Variants in EEF2K observed in about 807,000 individuals in gnomAD.
EEF2K encodes eukaryotic elongation factor 2 kinase, also known as alternative protein EEF2K.
EEF2K carries 70 observed loss-of-function variants against 93.8 expected under a neutral mutation model. That is an observed-to-expected ratio of 0.75 (90% confidence interval 0.62 to 0.91). The LOEUF (loss-of-function observed/expected upper bound fraction) is 0.91, where lower values mean the gene tolerates loss of function less well. Ranked by LOEUF, EEF2K falls within the 40% of genes least tolerant of loss-of-function variation. The pLI is 0.00. For missense variants in EEF2K, 935 were observed against 972.9 expected, an observed-to-expected ratio of 0.96 and a Z score of 0.52; for synonymous variants, 376 against 380.8, an observed-to-expected ratio of 0.99 and a Z score of 0.15.
intron 1 of EEF2K, among the ~76,000 whole-genome samples, chr16:22,209,928 G>A (rs1206714294): frequency 2.6e-5 from 4 of 152,296 alleles, no homozygotes; most frequent in Middle Eastern, 3.4e-3. Context: ...AAGTAGCTGG[G>A]ACTACAGACA....
At chr16:22,259,145 G>A (rs2047438216) in intron 10 of EEF2K, among the ~76,000 whole-genome samples, 2 of 152,298 alleles carry the variant, frequency 1.3e-5, no homozygotes, top group South Asian at 2.1e-4. Context: ...AGCTATGAAT[G>A]TGATATTAAT....
chr16:22,258,705 G>C lies in EEF2K; in HGVS notation c.1231+10G>C, dbSNP rs115217797. ...AAGCTAGACCACCTCCGTGAGTGAC[G>C]GTTCGGTCCCTAGTCACTGTGATTG... On this transcript the variant is annotated intron_variant, in intron 10 of 17. Transcript: ENST00000263026. 1 of 1,613,852 alleles carries C rather than the reference G, an allele frequency of 6.2e-7. No individual in the cohort carries two copies. Among genetic ancestry groups the C allele is most frequent in the Non-Finnish European group, 8.5e-7 (1 of 1,180,024 alleles).
intron 12 of EEF2K, 139 bp downstream of exon 12, chr16:22,263,326 A>G: frequency 1.4e-6 from 1 of 732,866 alleles, no homozygotes; most frequent in Non-Finnish European, 2.0e-6. Context: ...AGAGTATTTC[A>G]GGCCGGTCAT....
chr16:22,228,147 G>T (rs2047082379), intron 2 of EEF2K, among the ~76,000 whole-genome samples: 2 of 148,578 alleles, frequency 1.3e-5, no homozygotes, highest in Non-Finnish European at 3.0e-5. Flanking sequence ...CATTACTTTT[G>T]AAACAATACC....
chr16:22,235,108 G>C (rs1020753836), intron 2 of EEF2K, among the ~76,000 whole-genome samples: 1 of 151,584 alleles, frequency 6.6e-6, no homozygotes, highest in Non-Finnish European at 1.5e-5. Context: ...CAGTTACTGG[G>C]GAGGCTGAGG....
intron 6 of EEF2K, 104 bp from the exon 7 acceptor site, chr16:22,256,644 G>C: frequency 1.4e-6 from 2 of 1,400,372 alleles, no homozygotes; most frequent in Non-Finnish European, 1.9e-6. Context: ...ATGGAGCCAG[G>C]GTCTGAGCCC....
intron 1 of EEF2K, among the ~76,000 whole-genome samples, chr16:22,218,008 T>C (rs1444633224): frequency 6.6e-6 from 1 of 152,208 alleles, no homozygotes; most frequent in African/African-American, 2.4e-5. Context: ...CTCAGCCCCA[T>C]TCTCAAGTTC....
chr16:22,247,468 A>G (rs1400062288), intron 3 of EEF2K, among the ~76,000 whole-genome samples: 1 of 151,634 alleles, frequency 6.6e-6, no homozygotes, highest in East Asian at 1.9e-4. Flanking sequence ...AAATTCTCTA[A>G]CCTTACATGA....
At chr16:22,262,002 C>CAA (rs35426569) in intron 11 of EEF2K, among the ~76,000 whole-genome samples, 2,368 of 65,154 alleles carry the variant, frequency 0.036, 50 homozygotes, top group African/African-American at 0.14. Flanking sequence ...GAGACCCTGC[C>CAA]ACACACACAC....
intron 2 of EEF2K, among the ~76,000 whole-genome samples, chr16:22,235,462 T>C (rs1306733860): frequency 1.3e-5 from 2 of 152,182 alleles, no homozygotes; most frequent in Non-Finnish European, 1.5e-5. Flanking sequence ...ACAGTTTCTT[T>C]AAGCATTGCC....
intron 3 of EEF2K, among the ~76,000 whole-genome samples, chr16:22,246,851 A>C (rs1282849203): frequency 1.3e-5 from 2 of 151,574 alleles, no homozygotes; most frequent in East Asian, 2.0e-4. Flanking sequence ...CAGCCTGGCC[A>C]ATGTGATGAA....
chr16:22,240,809 G>C (rs138472734), intron 2 of EEF2K, among the ~76,000 whole-genome samples: 6 of 151,792 alleles, frequency 4.0e-5, no homozygotes, highest in African/African-American at 1.5e-4. Flanking sequence ...TCACTGTGTC[G>C]CCCAGGCTGG....
In EEF2K at chr16:22,283,999, A is replaced by G. The variant is rs1406427812; in HGVS notation, c.*3A>G. On this transcript the variant is annotated 3_prime_UTR_variant, in exon 18 of 18. Transcript: ENST00000263026. ...CCTGGGCCCAGATGGAGGAGTAACC[A>G]GGAAAATCACTGCCGGCTAGTCCCA... The G allele has an allele frequency of 6.4e-7, 1 of 1,569,448 alleles. No homozygotes were observed. Among genetic ancestry groups the G allele is most frequent in the South Asian group, 1.2e-5 (1 of 85,326 alleles).
intron 2 of EEF2K, among the ~76,000 whole-genome samples, chr16:22,242,476 C>CT (rs750203997): frequency 2.4e-3 from 341 of 144,494 alleles, no homozygotes; most frequent in Middle Eastern, 7.5e-3. Flanking sequence ...ATGCACCCAG[C>CT]TTTTTTTTTT....
intron 16 of EEF2K, among the ~76,000 whole-genome samples, chr16:22,275,560 C>G (rs2047626242): frequency 6.6e-6 from 1 of 152,032 alleles, no homozygotes; most frequent in Non-Finnish European, 1.5e-5. Context: ...CCAGGCTTGT[C>G]TCGAACTCCT....
intron 6 of EEF2K, among the ~76,000 whole-genome samples, chr16:22,253,961 T>C (rs1289505457): frequency 6.6e-6 from 1 of 151,930 alleles, no homozygotes; most frequent in Non-Finnish European, 1.5e-5. Context: ...TAGCTGGGCA[T>C]GGTGGTGCAC....
chr16:22,227,928 C>T (rs558469686), intron 2 of EEF2K, among the ~76,000 whole-genome samples: 4 of 142,192 alleles, frequency 2.8e-5, no homozygotes, highest in Admixed American at 7.2e-5. Context: ...AACACCCCAT[C>T]TTTATTAAAG....
intron 4 of EEF2K, among the ~76,000 whole-genome samples, chr16:22,249,695 ACTC>A (rs1555471646): frequency 6.6e-6 from 1 of 151,394 alleles, no homozygotes; most frequent in Non-Finnish European, 1.5e-5. Context: ...GCAGCCCTGA[ACTC>A]CTGGGCTCAA....
rs1213043520 is a variant in EEF2K at position 22,266,393 on chromosome 16, T to C, written c.1444T>C (p.Cys482Arg). 3.7e-6 allele frequency: 6 copies of C among 1,613,394 alleles called. No individual in the cohort carries two copies. The highest frequency in any genetic ancestry group is 2.2e-5 in the East Asian group (1 of 44,880). ...CTGGCCGGTTCTTTCCCTTCAGGTATGTGTAGAGAAGTGGAATCTCCTCAA... is the reference window on the plus strand; with the variant it reads ...CTGGCCGGTTCTTTCCCTTCAGGTACGTGTAGAGAAGTGGAATCTCCTCAA... ...EDSLGSSGRV[C>R]VEKWNLLNSS... The change falls in exon 14 of 18, where the codon TGT becomes CGT. Residue 482 changes from cysteine (C) to arginine (R), a missense_variant. By Grantham distance (180) the Cys-to-Arg change is radical (BLOSUM62 -3). Transcript: ENST00000263026.
Sources: allele counts gnomAD v4.1 joint callset (sites outside exome capture counted in the v4.1 genomes callset), GRCh38; gene constraint gnomAD v4.1.1; transcripts MANE v1.5; gene names NCBI Gene and HGNC (gene_info 2026-07-23, HGNC 2026-07-21).